Variants in RELCH observed in about 807,000 individuals in gnomAD.
RELCH encodes the protein RAB11-binding protein RELCH.
Under a neutral mutation model 150.3 loss-of-function variants are expected in RELCH, and 41 were observed. The observed-to-expected ratio is 0.27, with a 90% CI of 0.21 to 0.35. The LOEUF is 0.35. Among genes scored for constraint, RELCH ranks in the 10% least tolerant of loss-of-function variants. The pLI is 1.00. For missense variants in RELCH, 1,092 were observed against 1,467.8 expected, an observed-to-expected ratio of 0.74 and a Z score of 4.18; for synonymous variants, 478 against 531.8, an observed-to-expected ratio of 0.90 and a Z score of 1.39.
intron 24 of RELCH, among the ~76,000 whole-genome samples, chr18:62,281,222 A>G (rs1327882512): frequency 3.9e-5 from 6 of 152,224 alleles, no homozygotes; most frequent in African/African-American, 1.4e-4. Context: ...AAAGCCTTCT[A>G]TTACCCGGTA....
In RELCH at chr18:62,255,425, G is replaced by T; in HGVS notation, c.1843G>T (p.Glu615Ter). Reference sequence around the variant, plus strand: ...GCTCTAGATTAATCACAAATACCCAGAAAGACGACTGCTTGTGGCAGAATC... The same window carrying T: ...GCTCTAGATTAATCACAAATACCCATAAAGACGACTGCTTGTGGCAGAATC... ...CWEQINHKYP[E>*]RRLLVAESCG... Residue 615 changes from glutamate to a stop codon, truncating the protein, a stop_gained, in exon 13 of 29, where the codon GAA becomes TAA. Coordinates refer to ENST00000644646, the MANE Select transcript of RELCH (RefSeq NM_001346231.2). LOFTEE classifies it high-confidence loss of function. 1 of 1,610,268 alleles carries T rather than the reference G, an allele frequency of 6.2e-7. No individual in the cohort carries two copies.
intron 20 of RELCH, among the ~76,000 whole-genome samples, 165 bp downstream of exon 20, chr18:62,269,113 G>A (rs2043750518): frequency 6.6e-6 from 1 of 151,984 alleles, no homozygotes; most frequent in Admixed American, 6.6e-5. Flanking sequence ...AATAATAAGG[G>A]CCTGAGTAAA....
chr18:62,300,279 T>C (rs2045606182), intron 28 of RELCH: 1 of 152,208 alleles, frequency 6.6e-6, no homozygotes, highest in Non-Finnish European at 1.5e-5. Flanking sequence ...GGCAAGCTTC[T>C]GTTCTCCTCA....
At chr18:62,273,385 G>C (rs1420905370) in intron 20 of RELCH, among the ~76,000 whole-genome samples, 1 of 152,040 alleles carries the variant, frequency 6.6e-6, no homozygotes, top group Non-Finnish European at 1.5e-5. Flanking sequence ...TTTACTAAGT[G>C]TGCAGTTTTC....
intron 11 of RELCH, chr18:62,246,442 G>T (rs937482709): frequency 1.2e-4 from 19 of 152,028 alleles, no homozygotes; most frequent in African/African-American, 4.6e-4. Context: ...TCTGGTTTAA[G>T]GTAGTGATAG....
chr18:62,231,166 T>C (rs1490763406), intron 8 of RELCH, 28 bp from the exon 9 acceptor site: 2 of 1,371,044 alleles, frequency 1.5e-6, no homozygotes, highest in Admixed American at 3.5e-5. Flanking sequence ...TATTTGATAT[T>C]GTCTCTTTTT....
intron 1 of RELCH, among the ~76,000 whole-genome samples, chr18:62,190,994 A>G (rs370183585): frequency 6.6e-6 from 1 of 152,204 alleles, no homozygotes; most frequent in Non-Finnish European, 1.5e-5. Context: ...TTTTTTGTGT[A>G]TCTGCCTTCA....
At chr18:62,257,200 G>A (rs937677524) in intron 13 of RELCH, among the ~76,000 whole-genome samples, 1 of 151,952 alleles carries the variant, frequency 6.6e-6, no homozygotes, top group African/African-American at 2.4e-5. Flanking sequence ...GCATGAATTT[G>A]TATATTGGTA....
At chr18:62,211,349 A>G (rs1377503169) in intron 2 of RELCH, 107 bp downstream of exon 2, 2 of 595,902 alleles carry the variant, frequency 3.4e-6, no homozygotes, top group African/African-American at 3.9e-5. Context: ...ACTATAACAT[A>G]TATAGTTATT....
At chr18:62,191,986 G>A (rs2038679031) in intron 1 of RELCH, among the ~76,000 whole-genome samples, 1 of 152,122 alleles carries the variant, frequency 6.6e-6, no homozygotes, top group African/African-American at 2.4e-5. Context: ...CTTCCACAAT[G>A]GTTTAACTAA....
At chr18:62,189,262 T>G (rs565635575) in intron 1 of RELCH, among the ~76,000 whole-genome samples, 3,144 of 140,946 alleles carry the variant, frequency 0.022, 75 homozygotes, top group Non-Finnish European at 0.028. Flanking sequence ...TTTTTTTGTT[T>G]TTTTTTTTTG....
At chr18:62,194,989 C>T (rs1047295303) in intron 1 of RELCH, among the ~76,000 whole-genome samples, 4 of 152,052 alleles carry the variant, frequency 2.6e-5, no homozygotes, top group Non-Finnish European at 4.4e-5. Context: ...TATAGTTGTA[C>T]TTTTAAACAT....
intron 22 of RELCH, among the ~76,000 whole-genome samples, chr18:62,279,114 A>G (rs1416156234): frequency 6.6e-6 from 1 of 152,180 alleles, no homozygotes; most frequent in Non-Finnish European, 1.5e-5. Context: ...TTGCGTTTCA[A>G]GAGGTTATGG....
chr18:62,269,563 A>G (rs2043778556), intron 20 of RELCH: 1 of 218,398 alleles, frequency 4.6e-6, no homozygotes, highest in Non-Finnish European at 9.8e-6. Flanking sequence ...CAGTTTGTGT[A>G]CATTGAACCA....
At chr18:62,190,912 A>G (rs1298939732) in intron 1 of RELCH, among the ~76,000 whole-genome samples, 1 of 152,258 alleles carries the variant, frequency 6.6e-6, no homozygotes, top group Non-Finnish European at 1.5e-5. Flanking sequence ...TAATTGCCCC[A>G]GTTGAGAACT....
chr18:62,259,246 G>C lies in RELCH; in HGVS notation c.2202+570G>C, dbSNP rs913898083. Among the ~76,000 whole-genome samples, 3 of 151,912 alleles carry C rather than the reference G, an allele frequency of 2.0e-5. No individual in the cohort carries two copies. The South Asian group carries it at 6.2e-4, about 31-fold the overall frequency. ...TTATTATTTGTGTAGTGCATATTAT[G>C]TGCCAAATCTATAAAAAGAGATAGG... On this transcript the variant is annotated intron_variant, in intron 15 of 28. Coordinates refer to ENST00000644646, the MANE Select transcript of RELCH (RefSeq NM_001346231.2).
chr18:62,252,725 G>A lies in RELCH; in HGVS notation c.1795G>A (p.Ala599Thr), dbSNP rs754695818. 6.2e-7 allele frequency: 1 copy of A among 1,613,894 alleles called. No individual in the cohort carries two copies. Among genetic ancestry groups the A allele is most frequent in the Non-Finnish European group, 8.5e-7 (1 of 1,179,852 alleles). The stretch of plus-strand genomic sequence containing the variant: ...TCATGTTGGACCAACACGTGTAGAA[G>A]CTGAACTTTTACCACAGTGTTGGGA... ...ARHVGPTRVE[A>T]ELLPQCWEQI... The change falls in exon 12 of 29, where the codon GCT (alanine) becomes ACT (threonine). Residue 599 changes from alanine to threonine, a missense_variant. Physicochemically the swap from Ala to Thr is moderately conservative, Grantham distance 58. This residue lies in a region of RELCH where 707 missense variants were observed against 1,025.4 expected (regional missense o/e 0.69). Transcript: ENST00000644646.
chr18:62,275,319 C>T (rs1026045519), intron 21 of RELCH, 55 bp from the exon 22 acceptor site: 2 of 830,590 alleles, frequency 2.4e-6, no homozygotes, highest in African/African-American at 3.6e-5. Context: ...TTTCAGTTCA[C>T]TAGTAAGGGA....
At chr18:62,257,300 T>C (rs777175027) in intron 13 of RELCH, among the ~76,000 whole-genome samples, 4 of 152,068 alleles carry the variant, frequency 2.6e-5, no homozygotes, top group Non-Finnish European at 5.9e-5. Flanking sequence ...CAGCAGTGGG[T>C]GTACATTATA....
Sources: allele counts gnomAD v4.1 joint callset (sites outside exome capture counted in the v4.1 genomes callset), GRCh38; gene constraint gnomAD v4.1.1; regional missense constraint gnomAD v4.1.1; transcripts MANE v1.5; gene names NCBI Gene and HGNC (gene_info 2026-07-23, HGNC 2026-07-21).